ANO4: variants seen among roughly 807,000 people sequenced by gnomAD.
ANO4 encodes anoctamin-4.
In ANO4, 69 loss-of-function variants were observed where a neutral mutation model predicts 141.9. The ratio of observed to expected loss-of-function variants is 0.49; its 90% confidence interval spans 0.40 to 0.59. ANO4 has a LOEUF of 0.59. Among genes scored for constraint, ANO4 ranks in the 20% least tolerant of loss-of-function variants. ANO4 has a pLI of 0.00. For synonymous variants in ANO4, 350 were observed against 394.3 expected, an observed-to-expected ratio of 0.89 and a Z score of 1.33; for missense variants, 894 against 1,162.2, an observed-to-expected ratio of 0.77 and a Z score of 3.36.
intron 5 of ANO4, among the ~76,000 whole-genome samples, chr12:100,952,203 C>T (rs756667555): frequency 1.4e-4 from 21 of 152,186 alleles, no homozygotes; most frequent in Admixed American, 7.2e-4. Context: ...TGAAGACTGG[C>T]TCTCAAGCCA....
intron 1 of ANO4, among the ~76,000 whole-genome samples, chr12:100,846,220 A>G (rs2037550429): frequency 1.3e-5 from 2 of 152,222 alleles, no homozygotes; most frequent in African/African-American, 4.8e-5. Flanking sequence ...GCTGAAAAAC[A>G]TGAAGATCAT....
chr12:101,103,035 T>C (rs1378393314), intron 22 of ANO4, among the ~76,000 whole-genome samples: 1 of 151,116 alleles, frequency 6.6e-6, no homozygotes, highest in East Asian at 1.9e-4. Flanking sequence ...TACAGAAATA[T>C]TGTTGTTTTG....
chr12:100,781,119 C>T (rs1482735129), intron 3 of ANO4, among the ~76,000 whole-genome samples: 1 of 152,188 alleles, frequency 6.6e-6, no homozygotes, highest in East Asian at 1.9e-4. Context: ...CTTGAACTCA[C>T]AAGTCTCAGC....
At chr12:100,870,449 G>C (rs1053617130) in intron 1 of ANO4, among the ~76,000 whole-genome samples, 3 of 151,996 alleles carry the variant, frequency 2.0e-5, no homozygotes, top group Non-Finnish European at 4.4e-5. Context: ...TTTATTTTAA[G>C]TTTTCATTAT....
At chr12:100,853,841 A>C (rs567219939) in intron 1 of ANO4, among the ~76,000 whole-genome samples, 46 of 152,214 alleles carry the variant, frequency 3.0e-4, no homozygotes, top group Non-Finnish European at 6.0e-4. Context: ...TCCCATTCTT[A>C]CATATAATAT....
intron 14 of ANO4, among the ~76,000 whole-genome samples, chr12:101,068,047 C>T (rs767420196): frequency 2.2e-4 from 33 of 152,086 alleles, no homozygotes; most frequent in Non-Finnish European, 3.4e-4. Flanking sequence ...GTGCTCTGAA[C>T]GATTGTCTGT....
intron 5 of ANO4, among the ~76,000 whole-genome samples, chr12:100,947,739 A>G (rs1460718031): frequency 3.3e-5 from 5 of 152,156 alleles, no homozygotes; most frequent in African/African-American, 7.2e-5. Flanking sequence ...TTACTATTAT[A>G]ATTTCCATTT....
intron 1 of ANO4, among the ~76,000 whole-genome samples, chr12:100,882,391 C>T (rs1401158658): frequency 6.6e-6 from 1 of 152,096 alleles, no homozygotes; most frequent in East Asian, 1.9e-4. Flanking sequence ...GCTATATGCC[C>T]AAATCTGTTC....
At chr12:100,900,292 T>C (rs1013005090) in intron 1 of ANO4, among the ~76,000 whole-genome samples, 19 of 151,962 alleles carry the variant, frequency 1.3e-4, no homozygotes, top group Non-Finnish European at 1.5e-5. Context: ...TCTCTTTTTA[T>C]TTACTTACTT....
intron 1 of ANO4, among the ~76,000 whole-genome samples, chr12:100,722,791 C>T (rs922085532): frequency 3.3e-5 from 5 of 152,142 alleles, no homozygotes; most frequent in Admixed American, 3.3e-4. Flanking sequence ...GGGGGCAGTA[C>T]ACCATGTGGA....
intron 1 of ANO4, among the ~76,000 whole-genome samples, chr12:100,815,953 A>G (rs4764997): frequency 0.42 from 63,677 of 151,842 alleles, 13,639 homozygotes; most frequent in East Asian, 0.5. Flanking sequence ...CAGATCTTGT[A>G]GATTATCAGG....
At chr12:100,955,595 A>G (rs988525057) in intron 5 of ANO4, among the ~76,000 whole-genome samples, 2 of 152,230 alleles carry the variant, frequency 1.3e-5, no homozygotes, top group Non-Finnish European at 2.9e-5. Context: ...TGTGGGATGA[A>G]CAGTAATGTT....
chr12:101,038,675 A>G (rs1306986440), intron 10 of ANO4: 1 of 152,050 alleles, frequency 6.6e-6, no homozygotes, highest in African/African-American at 2.4e-5. Context: ...AGATTTAGAT[A>G]GAGGTTTAGA....
At chr12:101,019,801 T>G (rs1212552199) in intron 8 of ANO4, among the ~76,000 whole-genome samples, 1 of 152,212 alleles carries the variant, frequency 6.6e-6, no homozygotes, top group Non-Finnish European at 1.5e-5. Context: ...CTTAACTTTG[T>G]TTAGCTCCAG....
At chr12:101,117,264 A>G (rs2050892271) in intron 25 of ANO4, among the ~76,000 whole-genome samples, 1 of 152,208 alleles carries the variant, frequency 6.6e-6, no homozygotes, top group Non-Finnish European at 1.5e-5. Flanking sequence ...GTTCCACCAC[A>G]GTAGCCTCTG....
chr12:100,813,857 C>A (rs2035582199), intron 1 of ANO4, among the ~76,000 whole-genome samples: 1 of 152,160 alleles, frequency 6.6e-6, no homozygotes, highest in Admixed American at 6.6e-5. Flanking sequence ...CTTAAAACTT[C>A]ACTGAGTTGG....
At chr12:101,081,518 C>T (rs1260318896) in intron 15 of ANO4, among the ~76,000 whole-genome samples, 1 of 152,190 alleles carries the variant, frequency 6.6e-6, no homozygotes, top group Non-Finnish European at 1.5e-5. Context: ...ACATACGTAG[C>T]CATTCCCAGC....
chr12:100,773,865 C>G (rs762160975), intron 3 of ANO4, among the ~76,000 whole-genome samples: 2 of 152,076 alleles, frequency 1.3e-5, no homozygotes, highest in African/African-American at 4.8e-5. Flanking sequence ...GAAATTCAGC[C>G]CCTTGATATG....
chr12:100,949,718 A>G (rs548786766), intron 5 of ANO4, among the ~76,000 whole-genome samples: 1 of 152,334 alleles, frequency 6.6e-6, no homozygotes, highest in South Asian at 2.1e-4. Flanking sequence ...AATGAGATTT[A>G]TAATTTAATG....
Sources: gnomAD v4.1 joint callset for allele counts (sites outside exome capture counted in the v4.1 genomes callset) on GRCh38, gnomAD v4.1.1 for gene constraint, MANE v1.5 for transcripts, NCBI Gene and HGNC (gene_info 2026-07-23, HGNC 2026-07-21) for gene names.